The following HEXB variants were observed in gnomAD, a reference collection of about 807,000 sequenced individuals.
HEXB encodes hexosaminidase subunit beta.
Under a neutral mutation model 71.2 loss-of-function variants are expected in HEXB, and 51 were observed. That is an observed-to-expected ratio of 0.72 (90% confidence interval 0.57 to 0.90). The LOEUF (loss-of-function observed/expected upper bound fraction) is 0.90, where lower values mean the gene tolerates loss of function less well. HEXB is among the 40% of genes least tolerant of loss of function. The probability of loss-of-function intolerance (pLI) is 0.00; values close to 1 mark genes in which losing one functional copy is unlikely to be tolerated. For missense variants in HEXB, 617 were observed against 677.0 expected (o/e 0.91, Z 0.98); for synonymous variants, 266 against 249.3 (o/e 1.07, Z -0.63).
chr5:74,646,276 A>C (rs770676123), intron 1 of HEXB, among the ~76,000 whole-genome samples: 1 of 152,208 alleles, frequency 6.6e-6, no homozygotes, highest in Non-Finnish European at 1.5e-5. Flanking sequence ...TTTCCTTCCA[A>C]GTAACTCTCC....
intron 1 of HEXB, among the ~76,000 whole-genome samples, chr5:74,654,660 G>A (rs970558479): frequency 1.3e-5 from 2 of 152,202 alleles, no homozygotes; most frequent in Non-Finnish European, 2.9e-5. Context: ...AGGGGGAAAC[G>A]AGGAATAAGG....
chr5:74,697,667 GCAGTGAGCCGAGATCGCACCACCGCACTC>G (rs1749144209), intron 5 of HEXB, among the ~76,000 whole-genome samples: 1 of 147,322 alleles, frequency 6.8e-6, no homozygotes, highest in Non-Finnish European at 1.5e-5. Context: ...GGTGGAGGTT[GCAGTGAGCCGAGATCGCACCACCGCACTC>G]CAGCCTGGGC....
chr5:74,660,611 G>A (rs1748300918), intron 1 of HEXB, among the ~76,000 whole-genome samples: 1 of 152,200 alleles, frequency 6.6e-6, no homozygotes, highest in Non-Finnish European at 1.5e-5. Context: ...CCCAGTCAAT[G>A]AGAAGAATTA....
At chr5:74,696,815 A>G (rs1169345964) in intron 4 of HEXB, 76 bp downstream of exon 4, 3 of 825,314 alleles carry the variant, frequency 3.6e-6, no homozygotes, top group African/African-American at 3.4e-5. Context: ...CTGTTTAGCT[A>G]TTGCTTCCTG....
rs1252978255 is a variant in HEXB at position 74,721,233 on chromosome 5, T to C, written c.*58T>C. On this transcript the variant is annotated 3_prime_UTR_variant, in exon 14 of 14. Transcript: ENST00000261416. ...TACTACAATCAACTTTATTTTGAAA[T>C]CATGTAAAATAAGATATTAGACTGT... The C allele has an allele frequency of 3.1e-6, 4 of 1,300,462 alleles. No individual in the cohort carries two copies. The highest frequency in any genetic ancestry group is 4.5e-6 in the Non-Finnish European group (4 of 895,132). 80.6% of individuals were successfully genotyped at this position (1,300,462 alleles called of 1,614,324 possible).
At chr5:74,701,557 T>C (rs1056886822) in intron 5 of HEXB, among the ~76,000 whole-genome samples, 5 of 152,162 alleles carry the variant, frequency 3.3e-5, no homozygotes, top group African/African-American at 1.2e-4. Context: ...TAATCTTTAC[T>C]ACTTTATCTT....
At chr5:74,699,945 G>GT in intron 5 of HEXB, among the ~76,000 whole-genome samples, 1 of 25,650 alleles carries the variant, frequency 3.9e-5, no homozygotes, top group African/African-American at 1.3e-4. Context: ...GTGAATATAA[G>GT]CCTTTTTTTT....
intron 6 of HEXB, among the ~76,000 whole-genome samples, chr5:74,708,770 A>G (rs547348533): frequency 4.6e-5 from 7 of 151,270 alleles, no homozygotes; most frequent in East Asian, 3.9e-4. Flanking sequence ...CACCCAATAC[A>G]GGAGCACCCA....
chr5:74,714,653 A>G (rs951289631), intron 7 of HEXB, among the ~76,000 whole-genome samples: 2 of 152,240 alleles, frequency 1.3e-5, no homozygotes, highest in South Asian at 2.1e-4. Flanking sequence ...GCAAGTTACA[A>G]TATCTCATCT....
At chr5:74,673,914 T>G (rs1418402287) in intron 1 of HEXB, among the ~76,000 whole-genome samples, 1 of 152,184 alleles carries the variant, frequency 6.6e-6, no homozygotes, top group Non-Finnish European at 1.5e-5. Context: ...TAATTCCTCC[T>G]AAAGCTAGCT....
chr5:74,693,724 A>G lies in HEXB; in HGVS notation c.511+20A>G. ...TACGAGGTAAGTTCCATGCAGTTTC[A>G]TTGTTACTTTCCAGTAAAGGAAAAT... On this transcript the variant is annotated intron_variant, in intron 3 of 13. Coordinates refer to ENST00000261416, the MANE Select transcript of HEXB (RefSeq NM_000521.4). 3 of 1,591,494 alleles carry G rather than the reference A, an allele frequency of 1.9e-6. No individual in the cohort carries two copies. Among genetic ancestry groups the G allele is most frequent in the Non-Finnish European group, 1.7e-6 (2 of 1,159,312 alleles).
chr5:74,700,971 G>C (rs1466315088), intron 5 of HEXB, among the ~76,000 whole-genome samples: 1 of 151,982 alleles, frequency 6.6e-6, no homozygotes, highest in Non-Finnish European at 1.5e-5. Flanking sequence ...GCTTCCCGAA[G>C]TGCTGGGATT....
chr5:74,672,238 T>G (rs1339298900), intron 1 of HEXB, among the ~76,000 whole-genome samples: 1 of 152,230 alleles, frequency 6.6e-6, no homozygotes, highest in Non-Finnish European at 1.5e-5. Flanking sequence ...ATGTACTCCT[T>G]GCTCCAATAG....
At chr5:74,680,382 G>T (rs1748716897), upstream of HEXB, among the ~76,000 whole-genome samples, 1 of 152,168 alleles carries the variant, frequency 6.6e-6, no homozygotes, top group Non-Finnish European at 1.5e-5. Flanking sequence ...TTGTGTCGGG[G>T]AGGAGTGGGA....
intron 5 of HEXB, among the ~76,000 whole-genome samples, chr5:74,698,735 C>T (rs1749178040): frequency 1.3e-5 from 2 of 152,012 alleles, no homozygotes; most frequent in South Asian, 4.1e-4. Context: ...ATTTTTTCTC[C>T]AAAAGACAGT....
At chr5:74,711,373 G>T (rs1031634745) in intron 6 of HEXB, among the ~76,000 whole-genome samples, 7 of 149,716 alleles carry the variant, frequency 4.7e-5, no homozygotes, top group African/African-American at 1.7e-4. Flanking sequence ...ACATAGGCAT[G>T]GGCAAGGACT....
rs1239890106 is a variant in HEXB at position 74,641,886 on chromosome 5, T to A, written c.-377+1328T>A. 1.3e-5 allele frequency among the ~76,000 whole-genome samples: 2 copies of A among 152,190 alleles called. No individual in the cohort carries two copies. Among genetic ancestry groups the A allele is most frequent in the Admixed American group, 1.3e-4 (2 of 15,284 alleles). ...TGGGGAACCGAGGCCCAGGGAGATG[T>A]GAATTGCCTGGCTCGTAGTCACTTA... On this transcript the variant is annotated intron_variant, in intron 1 of 13. Coordinates refer to the HEXB transcript ENST00000511181. The surrounding 1 kb of genome is among the most constrained non-coding windows in gnomAD (Gnocchi z 4.1).
rs778512612 is a variant in HEXB, at chr5:74,693,716, G to A, written c.511+12G>A. ...GGGAGCATTACGAGGTAAGTTCCAT[G>A]CAGTTTCATTGTTACTTTCCAGTAA... On this transcript the variant is annotated intron_variant, in intron 3 of 13. Coordinates refer to ENST00000261416, the MANE Select transcript of HEXB (RefSeq NM_000521.4). 7 of 1,601,416 alleles carry A rather than the reference G, an allele frequency of 4.4e-6. No individual in the cohort carries two copies. The highest frequency in any genetic ancestry group is 1.3e-5 in the African/African-American group (1 of 74,764).
chr5:74,645,965 A>G (rs1270094746), intron 1 of HEXB, among the ~76,000 whole-genome samples: 1 of 133,364 alleles, frequency 7.5e-6, no homozygotes, highest in Admixed American at 7.5e-5. Flanking sequence ...ATTTTTTTTT[A>G]ACAGTTATGT....
Sources: allele counts gnomAD v4.1 joint callset (sites outside exome capture counted in the v4.1 genomes callset), GRCh38; gene constraint gnomAD v4.1.1; non-coding constraint Gnocchi (gnomAD v3.1); transcripts MANE v1.5; gene names NCBI Gene and HGNC (gene_info 2026-07-23, HGNC 2026-07-21).